DTX3L: variants seen among roughly 807,000 people sequenced by gnomAD.
DTX3L encodes deltex E3 ubiquitin ligase 3L, also known as E3 ubiquitin-protein ligase DTX3L.
DTX3L carries 34 observed loss-of-function variants against 60.9 expected under a neutral mutation model. That is an observed-to-expected ratio of 0.56 (90% CI 0.42 to 0.74). The LOEUF (loss-of-function observed/expected upper bound fraction) is 0.74, where lower values mean the gene tolerates loss of function less well. Among genes scored for constraint, DTX3L ranks in the 30% least tolerant of loss-of-function variants. The probability of loss-of-function intolerance (pLI) is 0.00; values close to 1 mark genes in which losing one functional copy is unlikely to be tolerated. For missense variants in DTX3L, 810 were observed against 874.0 expected, an observed-to-expected ratio of 0.93 and a Z score of 0.92; for synonymous variants, 290 against 316.6, an observed-to-expected ratio of 0.92 and a Z score of 0.89.
In DTX3L at chr3:122,570,072, AC is replaced by A. The variant is rs761077555; in HGVS notation, c.1935+50del. On this transcript the variant is annotated intron_variant, in intron 3 of 4. Coordinates refer to ENST00000296161, the MANE Select transcript of DTX3L (RefSeq NM_138287.3). Reference sequence around the variant, plus strand: ...GGTTTCTTGCCACTATGCTACGATTACCAGGGCAAAAGAGACTGTCCTGTTG... The same window carrying A: ...GGTTTCTTGCCACTATGCTACGATTACAGGGCAAAAGAGACTGTCCTGTTG... 13 of 1,581,516 alleles carry A rather than the reference AC, an allele frequency of 8.2e-6. No individual in the cohort carries two copies. In the East Asian group the frequency reaches 2.9e-4, roughly 35 times the overall value.
Position 122,565,947 on chromosome 3 carries a change from A to T in DTX3L, c.276A>T (p.Ser92=), listed in dbSNP as rs2080578781. The change falls in exon 2 of 5, where the codon TCA becomes TCT. Residue 92 remains serine (S), a synonymous_variant. Transcript: ENST00000296161. The part of the protein sequence containing the change: ...VPIFLVPTEN[S]IKKNTRPQIS... ...TTTTCCTGGTACCCACTGAAAATTCAATAAAGAAGAACACGAGACCTCAAA... is the reference window on the plus strand; with the variant it reads ...TTTTCCTGGTACCCACTGAAAATTCTATAAAGAAGAACACGAGACCTCAAA... 2 of 1,614,240 alleles carry T rather than the reference A, an allele frequency of 1.2e-6. No individual in the cohort carries two copies. Among genetic ancestry groups the T allele is most frequent in the South Asian group, 2.2e-5 (2 of 91,090 alleles).
Position 122,564,484 on chromosome 3 carries a change from C to G in DTX3L, c.58C>G (p.Pro20Ala). 6.2e-7 allele frequency: 1 copy of G among 1,612,802 alleles called. No homozygotes were observed. Among genetic ancestry groups the G allele is most frequent in the Non-Finnish European group, 8.5e-7 (1 of 1,179,400 alleles). ...CCTCGTGCGGGTGTACAAGTCCGGC[C>G]CCCGAGTACGAAGGAAGCTGGAGAG... Reference protein sequence around the residue: ...PLLVRVYKSGPRVRRKLESYF... With the variant: ...PLLVRVYKSGARVRRKLESYF... Residue 20 changes from proline to alanine, a missense_variant, in exon 1 of 5, where the codon CCC (proline) becomes GCC (alanine). Pro to Ala is a conservative substitution (Grantham distance 27). Coordinates refer to ENST00000296161, the MANE Select transcript of DTX3L (RefSeq NM_138287.3).
chr3:122,568,702 A>G lies in DTX3L; in HGVS notation c.613A>G (p.Met205Val), dbSNP rs753096315. The G allele has an allele frequency of 2.5e-5, 40 of 1,614,072 alleles. No homozygotes were observed. Among genetic ancestry groups the G allele is most frequent in the Middle Eastern group, 3.3e-4 (2 of 6,084 alleles). The change falls in exon 3 of 5, where the codon ATG (methionine) becomes GTG (valine). Residue 205 changes from methionine (M) to valine (V), a missense_variant. Met to Val is a conservative substitution (Grantham distance 21). Transcript: ENST00000296161. ...SEQKQQFSPS[M>V]TERKPLSQQE... ...GCAGAAACAACAATTTTCCCCTTCA[A>G]TGACAGAGAGGAAGCCACTCAGTCA...
rs183975854 is a variant in DTX3L, at chr3:122,568,780, C to G, written c.691C>G (p.Gln231Glu). 12 of 1,613,942 alleles carry G rather than the reference C, an allele frequency of 7.4e-6. No individual in the cohort carries two copies. In the East Asian group the frequency reaches 2.5e-4, roughly 33 times the overall value. ...TTCTGAACCAGAAACCAAGGCAGAA[C>G]AAAAAAGCAACTATTTTGAAGTTCC... is the stretch of plus-strand genomic sequence containing the variant. The part of the protein sequence containing the change: ...SPSEPETKAE[Q>E]KSNYFEVPLP... The change falls in exon 3 of 5, where the codon CAA becomes GAA. Residue 231 changes from glutamine (Q) to glutamate (E), a missense_variant. Gln to Glu is a conservative substitution (Grantham distance 29). Transcript: ENST00000296161.
At position 122,570,950 on chromosome 3, in the gene DTX3L, G is replaced by A. The variant is rs149584714; in HGVS notation, c.2153+278G>A. On this transcript the variant is annotated intron_variant, in intron 4 of 4. Coordinates refer to ENST00000296161, the MANE Select transcript of DTX3L (RefSeq NM_138287.3). Reference sequence around the variant, plus strand: ...ACTATATAAGCTGATTTAATTTGAGGCGTTGTGTCTATCTGAAGGCTAGAT... The same window carrying A: ...ACTATATAAGCTGATTTAATTTGAGACGTTGTGTCTATCTGAAGGCTAGAT... 5.9e-5 allele frequency among the ~76,000 whole-genome samples: 9 copies of A among 152,226 alleles called. No homozygotes were observed. The East Asian group carries it at 1.7e-3, about 29-fold the overall frequency.
At chr3:122,564,706 G>GGCGGGAGAAAGTATGTCACTGTGC (rs2080524019) in intron 1 of DTX3L, 93 bp downstream of exon 1, 1 of 1,452,894 alleles carries the variant, frequency 6.9e-7, no homozygotes, top group Non-Finnish European at 9.2e-7. Context: ...TAGGGGAGAG[G>GGCGGGAGAAAGTATGTCACTGTGC]GCGGGAGAAA....
rs1045089 is a variant in DTX3L at position 122,574,362 on chromosome 3, C to T, written c.*2615C>T. On this transcript the variant is annotated 3_prime_UTR_variant, in exon 5 of 5. Transcript: ENST00000296161. ...TGACATGCTAAATTTTATTTTTAAACGGTTCTTCAAGTCAGATTAAAGTAA... is the reference window on the plus strand; with the variant it reads ...TGACATGCTAAATTTTATTTTTAAATGGTTCTTCAAGTCAGATTAAAGTAA... 0.31 allele frequency: 46,620 copies of T among 151,920 alleles called. 7,587 individuals carry two copies. Among genetic ancestry groups the T allele is most frequent in the East Asian group, 0.47 (2,442 of 5,178 alleles). The allele number at this position is 151,920 out of a possible 1,614,324, so 9.4% of individuals were successfully genotyped here. A position where few individuals can be genotyped will look rare whatever the true frequency, so the allele number is the denominator to read the frequency against.
In DTX3L at chr3:122,571,774, C is replaced by A; in HGVS notation, c.*27C>A. On this transcript the variant is annotated 3_prime_UTR_variant, in exon 5 of 5. Transcript: ENST00000296161. ...ACAACTGCTGGAAGATGTCTTAAAT[C>A]AAGCTTTCAAAAAAATATATTTTAG... The A allele has an allele frequency of 6.3e-7, 1 of 1,580,504 alleles. No individual in the cohort carries two copies. The highest frequency in any genetic ancestry group is 1.1e-5 in the South Asian group (1 of 87,914).
chr3:122,571,871 T>C lies in DTX3L; in HGVS notation c.*124T>C, dbSNP rs887801694. The C allele has an allele frequency of 6.3e-5, 49 of 779,032 alleles. No homozygotes were observed. The highest frequency in any genetic ancestry group is 1.6e-5 in the Non-Finnish European group (8 of 495,226). 48.3% of individuals were successfully genotyped at this position (779,032 alleles called of 1,614,324 possible). On this transcript the variant is annotated 3_prime_UTR_variant, in exon 5 of 5. Transcript: ENST00000296161. ...GAAATTTTTCTTCTCAAGAAATGGTTTGTATAAGAATAACAATCTGCTAGT... is the reference window on the plus strand; with the variant it reads ...GAAATTTTTCTTCTCAAGAAATGGTCTGTATAAGAATAACAATCTGCTAGT...
At position 122,564,475 on chromosome 3, in the gene DTX3L, A is replaced by C; in HGVS notation, c.49A>C (p.Lys17Gln). ...GTCCCCGCTCCTCGTGCGGGTGTACAAGTCCGGCCCCCGAGTACGAAGGAA... is the reference window on the plus strand; with the variant it reads ...GTCCCCGCTCCTCGTGCGGGTGTACCAGTCCGGCCCCCGAGTACGAAGGAA... ...PPSPLLVRVY[K>Q]SGPRVRRKLE... Residue 17 changes from lysine to glutamine, a missense_variant, in exon 1 of 5, where the codon AAG (lysine) becomes CAG (glutamine). Lys to Gln is a moderately conservative substitution (Grantham distance 53). Transcript: ENST00000296161. 2 of 1,612,780 alleles carry C rather than the reference A, an allele frequency of 1.2e-6. No individual in the cohort carries two copies. The highest frequency in any genetic ancestry group is 1.7e-6 in the Non-Finnish European group (2 of 1,179,420).
chr3:122,571,899 G>A lies in DTX3L; in HGVS notation c.*152G>A, dbSNP rs1243661479. 4 of 607,410 alleles carry A rather than the reference G, an allele frequency of 6.6e-6. No individual in the cohort carries two copies. Among genetic ancestry groups the A allele is most frequent in the Non-Finnish European group, 1.1e-5 (4 of 357,902 alleles). The allele number at this position is 607,410 out of a possible 1,614,324, so 37.6% of individuals were successfully genotyped here. On this transcript the variant is annotated 3_prime_UTR_variant, in exon 5 of 5. Coordinates refer to ENST00000296161, the MANE Select transcript of DTX3L (RefSeq NM_138287.3). The stretch of plus-strand genomic sequence containing the variant: ...TATAAGAATAACAATCTGCTAGTCT[G>A]TCATTTCTGGAGTGATACTTTTTTT...
At chr3:122,570,336 A>G in intron 3 of DTX3L, 119 bp from the exon 4 acceptor site, 1 of 1,032,238 alleles carries the variant, frequency 9.7e-7, no homozygotes, top group South Asian at 1.6e-5. Context: ...GAATATGAGC[A>G]TAACTTCAAT....
rs567136044 is a variant in DTX3L, at chr3:122,571,978, G to A, written c.*231G>A. On this transcript the variant is annotated 3_prime_UTR_variant, in exon 5 of 5. Coordinates refer to ENST00000296161, the MANE Select transcript of DTX3L (RefSeq NM_138287.3). ...CGCTGGAGTGCAGTGGCATGATCTC[G>A]GCTCACTGCAAGCTCCGCCTCCCAG... 212 of 282,622 alleles carry A rather than the reference G, an allele frequency of 7.5e-4. No individual in the cohort carries two copies. The highest frequency in any genetic ancestry group is 5.8e-3 in the South Asian group (94 of 16,288). The allele number at this position is 282,622 out of a possible 1,614,324, so 17.5% of individuals were successfully genotyped here.
At chr3:122,570,369 T>C (rs1188246604) in intron 3 of DTX3L, 86 bp from the exon 4 acceptor site, 3 of 1,341,586 alleles carry the variant, frequency 2.2e-6, no homozygotes. Flanking sequence ...TTTGATTTGC[T>C]TTATCTACAA....
At position 122,572,927 on chromosome 3, in the gene DTX3L, G is replaced by A. The variant is rs1411925536; in HGVS notation, c.*1180G>A. On this transcript the variant is annotated 3_prime_UTR_variant, in exon 5 of 5. Coordinates refer to ENST00000296161, the MANE Select transcript of DTX3L (RefSeq NM_138287.3). ...AGAGCCTAGTATATAGTTGGTGCCT[G>A]TCTTAGTCTGTTTGTGTTGCTATAA... The A allele has an allele frequency of 6.6e-6, 1 of 152,186 alleles. No homozygotes were observed. Among genetic ancestry groups the A allele is most frequent in the Non-Finnish European group, 1.5e-5 (1 of 68,052 alleles). The allele number at this position is 152,186 out of a possible 1,614,324, so 9.4% of individuals were successfully genotyped here.
intron 2 of DTX3L, among the ~76,000 whole-genome samples, chr3:122,567,996 G>T (rs184112738): frequency 6.6e-6 from 1 of 152,310 alleles, no homozygotes; most frequent in East Asian, 1.9e-4. Context: ...CCTCTGGGAT[G>T]TAGCGTGCTG....
chr3:122,564,517 C>G lies in DTX3L; in HGVS notation c.91C>G (p.Gln31Glu). ...ACGAAGGAAGCTGGAGAGCTACTTC[C>G]AGAGCTCTAAGTCCTCGGGCGGCGG... ...RVRRKLESYF[Q>E]SSKSSGGGEC... Residue 31 changes from glutamine to glutamate, a missense_variant, in exon 1 of 5, where the codon CAG (glutamine) becomes GAG (glutamate). Coordinates refer to ENST00000296161, the MANE Select transcript of DTX3L (RefSeq NM_138287.3). 1 of 1,612,474 alleles carries G rather than the reference C, an allele frequency of 6.2e-7. No homozygotes were observed. Among genetic ancestry groups the G allele is most frequent in the Non-Finnish European group, 8.5e-7 (1 of 1,179,202 alleles).
chr3:122,564,413 C>T lies in DTX3L; in HGVS notation c.-14C>T, dbSNP rs768832909. ...GCCTCCCGGAGCCCCCGCGCCCTCCCGACGCGCAGAGCCATGGCCTCCCAC... is the reference window on the plus strand; with the variant it reads ...GCCTCCCGGAGCCCCCGCGCCCTCCTGACGCGCAGAGCCATGGCCTCCCAC... On this transcript the variant is annotated 5_prime_UTR_variant, in exon 1 of 5. Coordinates refer to ENST00000296161, the MANE Select transcript of DTX3L (RefSeq NM_138287.3). The T allele has an allele frequency of 2.0e-5, 32 of 1,602,206 alleles. 2 individuals are homozygous for T.
In DTX3L at chr3:122,569,152, C is replaced by CA. The variant is rs866189003; in HGVS notation, c.1069dup (p.Ile357AsnfsTer3). The stretch of plus-strand genomic sequence containing the variant: ...CCAAGATGACATTTCAGCTGCCAAA[C>CA]AAAAAATCTCTGAAGCTTTTGTCAA... On this transcript the variant is annotated frameshift_variant, in exon 3 of 5. Transcript: ENST00000296161. LOFTEE classifies it high-confidence loss of function. 3 of 1,614,136 alleles carry CA rather than the reference C, an allele frequency of 1.9e-6. No individual in the cohort carries two copies. Among genetic ancestry groups the CA allele is most frequent in the South Asian group, 2.2e-5 (2 of 91,084 alleles).
Sources: allele counts gnomAD v4.1 joint callset (sites outside exome capture counted in the v4.1 genomes callset), GRCh38; gene constraint gnomAD v4.1.1; transcripts MANE v1.5; gene names NCBI Gene and HGNC (gene_info 2026-07-23, HGNC 2026-07-21).